CFH: variants seen among roughly 807,000 people sequenced by gnomAD.
CFH encodes H factor 1 (complement).
Under a neutral mutation model 147.3 loss-of-function variants are expected in CFH, and 53 were observed. The observed-to-expected ratio is 0.36, with a 90% CI of 0.29 to 0.45. The LOEUF is 0.45. CFH is among the 20% of genes least tolerant of loss of function. The pLI is 1.00. For missense variants in CFH, 1,380 were observed against 1,498.0 expected (o/e 0.92, Z 1.30); for synonymous variants, 536 against 489.4 (o/e 1.10, Z -1.26).
At chr1:196,708,209 C>A (rs914020729) in intron 9 of CFH, among the ~76,000 whole-genome samples, 2 of 152,130 alleles carry the variant, frequency 1.3e-5, no homozygotes, top group East Asian at 3.9e-4. Flanking sequence ...AAGAAACTTA[C>A]CAGAATGATG....
Position 196,737,620 on chromosome 1 carries a change from A to G in CFH, c.2742A>G (p.Thr914=). ...GGATATCTGAAGAAAATGAAACAACATGCTACATGGGAAAATGGAGTTCTC... is the reference window on the plus strand; with the variant it reads ...GGATATCTGAAGAAAATGAAACAACGTGCTACATGGGAAAATGGAGTTCTC... ...GFRISEENET[T]CYMGKWSSPP... The change falls in exon 17 of 22, where the codon ACA becomes ACG. Residue 914 remains threonine, a synonymous_variant. Coordinates refer to ENST00000367429, the MANE Select transcript of CFH (RefSeq NM_000186.4). 6.2e-7 allele frequency: 1 copy of G among 1,613,522 alleles called. No homozygotes were observed. The highest frequency in any genetic ancestry group is 8.5e-7 in the Non-Finnish European group (1 of 1,179,644).
chr1:196,659,619 A>C (rs1381563032), intron 1 of CFH, among the ~76,000 whole-genome samples: 3 of 152,178 alleles, frequency 2.0e-5, no homozygotes, highest in Non-Finnish European at 4.4e-5. Context: ...TTAATGCTGA[A>C]ATTGCCAGGA....
chr1:196,685,229 G>C lies in CFH; in HGVS notation c.956G>C (p.Arg319Thr). The stretch of plus-strand genomic sequence containing the variant: ...AGTACTGGCTGGATACCTGCTCCGA[G>C]ATGTACCTGTAAGTTCCATTCATAT... ...CTSTGWIPAP[R>T]CTLKPCDYPD... Residue 319 changes from arginine (R) to threonine (T), a missense_variant, in exon 7 of 22, where the codon AGA becomes ACA. Physicochemically the swap from Arg to Thr is moderately conservative, Grantham distance 71. Around this residue, in one of 4 missense-constraint regions of CFH, gnomAD observed 167 missense variants for 228.0 expected, o/e 0.73. Coordinates refer to ENST00000367429, the MANE Select transcript of CFH (RefSeq NM_000186.4). 1 of 1,612,782 alleles carries C rather than the reference G, an allele frequency of 6.2e-7. No homozygotes were observed. The highest frequency in any genetic ancestry group is 8.5e-7 in the Non-Finnish European group (1 of 1,179,174).
At chr1:196,737,045 A>G in intron 16 of CFH, 39 bp downstream of exon 16, 1 of 1,527,570 alleles carries the variant, frequency 6.5e-7, no homozygotes, top group Middle Eastern at 1.8e-4. Flanking sequence ...ATTCTTTCAA[A>G]TGAGGTTAAT....
chr1:196,725,341 T>C, intron 12 of CFH, 44 bp downstream of exon 12: 1 of 1,581,708 alleles, frequency 6.3e-7, no homozygotes, highest in Non-Finnish European at 8.7e-7. Context: ...ATTAGAACTT[T>C]GAATACCAAC....
chr1:196,731,998 G>C (rs380060), intron 15 of CFH, among the ~76,000 whole-genome samples: 5,029 of 151,884 alleles, frequency 0.033, 245 homozygotes, highest in African/African-American at 0.11. Flanking sequence ...GATTTCCTTT[G>C]AGATTTCTGG....
At chr1:196,732,423 C>G (rs1669301031) in intron 15 of CFH, among the ~76,000 whole-genome samples, 2 of 151,902 alleles carry the variant, frequency 1.3e-5, no homozygotes, top group Admixed American at 1.3e-4. Context: ...ATCTTTATGA[C>G]CATTATTTTG....
At chr1:196,707,478 A>T (rs188367430) in intron 9 of CFH, among the ~76,000 whole-genome samples, 1 of 152,272 alleles carries the variant, frequency 6.6e-6, no homozygotes, top group Admixed American at 6.5e-5. Context: ...CAACCCAGAG[A>T]CTGGGTTCTG....
intron 11 of CFH, among the ~76,000 whole-genome samples, chr1:196,717,331 T>A (rs1305108512): frequency 6.6e-6 from 1 of 152,132 alleles, no homozygotes; most frequent in Non-Finnish European, 1.5e-5. Context: ...TTGTGTTAGT[T>A]AGCAGACTAA....
At chr1:196,695,031 G>A (rs1489003436) in intron 9 of CFH, among the ~76,000 whole-genome samples, 2 of 152,128 alleles carry the variant, frequency 1.3e-5, no homozygotes, top group Non-Finnish European at 2.9e-5. Flanking sequence ...TGTCAATTTT[G>A]GCCTTTGTTG....
chr1:196,669,949 G>C (rs935083814), intron 1 of CFH, among the ~76,000 whole-genome samples: 2 of 152,212 alleles, frequency 1.3e-5, no homozygotes, highest in Admixed American at 1.3e-4. Context: ...CATTGGGGCA[G>C]GTCTGCCCAA....
chr1:196,718,140 T>C (rs942570870), intron 11 of CFH, among the ~76,000 whole-genome samples: 3 of 152,066 alleles, frequency 2.0e-5, no homozygotes, highest in African/African-American at 7.2e-5. Flanking sequence ...TAAACACCTA[T>C]CATAGGACAG....
At chr1:196,660,785 G>T (rs971590404) in intron 1 of CFH, among the ~76,000 whole-genome samples, 1 of 152,154 alleles carries the variant, frequency 6.6e-6, no homozygotes, top group Non-Finnish European at 1.5e-5. Context: ...GGAAGATTTT[G>T]TGGAAGAGAT....
intron 2 of CFH, among the ~76,000 whole-genome samples, chr1:196,673,571 C>T (rs1039150260): frequency 6.6e-5 from 10 of 152,032 alleles, no homozygotes; most frequent in African/African-American, 1.9e-4. Context: ...CTCCTGGCCT[C>T]GTGATCCACC....
chr1:196,703,960 G>A (rs1041872570), intron 9 of CFH, among the ~76,000 whole-genome samples: 2 of 144,262 alleles, frequency 1.4e-5, no homozygotes, highest in Admixed American at 1.4e-4. Context: ...ACTCCAGCCT[G>A]GGGGACAGAG....
At chr1:196,665,972 G>A (rs1380675143) in intron 1 of CFH, among the ~76,000 whole-genome samples, 1 of 152,188 alleles carries the variant, frequency 6.6e-6, no homozygotes, top group African/African-American at 2.4e-5. Context: ...AGTTTACACA[G>A]TACGATAGAC....
chr1:196,695,075 T>G lies in CFH; in HGVS notation c.1336+4836T>G, dbSNP rs1668205009. Among the ~76,000 whole-genome samples the G allele has an allele frequency of 2.0e-5, 3 of 152,238 alleles. No homozygotes were observed. In the South Asian group the frequency reaches 6.2e-4, roughly 32 times the overall value. ...TTTGGTGTTTTAGTCATGAAGTCTT[T>G]GCCCATGCCTATGTCCTGAATAACC... On this transcript the variant is annotated intron_variant, in intron 9 of 21. Transcript: ENST00000367429.
chr1:196,719,928 T>G (rs1004327362), intron 11 of CFH, among the ~76,000 whole-genome samples: 1 of 151,694 alleles, frequency 6.6e-6, no homozygotes, highest in African/African-American at 2.4e-5. Context: ...TTTTTATATT[T>G]TTTTTAACTT....
intron 21 of CFH, 50 bp from the exon 22 acceptor site, chr1:196,747,061 A>T (rs759546143): frequency 1.2e-5 from 19 of 1,610,050 alleles, no homozygotes; most frequent in Non-Finnish European, 1.6e-5. Context: ...AAAGTCTATG[A>T]AGATTTGCAT....
Sources: gnomAD v4.1 joint callset for allele counts (sites outside exome capture counted in the v4.1 genomes callset) on GRCh38, gnomAD v4.1.1 for gene constraint, gnomAD v4.1.1 regional missense constraint, MANE v1.5 for transcripts, NCBI Gene and HGNC (gene_info 2026-07-23, HGNC 2026-07-21) for gene names.